Variants in DMD observed in about 807,000 individuals in gnomAD.
DMD encodes the protein mutant dystrophin.
DMD carries 63 observed loss-of-function variants against 330.1 expected under a neutral mutation model. The ratio of observed to expected loss-of-function variants is 0.19; its 90% CI spans 0.16 to 0.24. DMD has a LOEUF of 0.24. Ranked by LOEUF, DMD falls within the 10% of genes least tolerant of loss-of-function variation. The pLI, the probability that DMD is intolerant of heterozygous loss-of-function variation, is 1.00. For missense variants in DMD, 3,344 were observed against 2,684.1 expected (o/e 1.25, Z -5.43); for synonymous variants, 1,223 against 959.8 (o/e 1.27, Z -5.07).
At chrX:31,886,629 C>T (rs2094158054) in intron 47 of DMD, among the ~76,000 whole-genome samples, 1 of 111,719 alleles carries the variant, frequency 9.0e-6, no homozygotes, top group Admixed American at 9.5e-5. Context: ...AAAACACTAT[C>T]TTGCACTGCA....
intron 9 of DMD, among the ~76,000 whole-genome samples, chrX:32,685,828 A>C (rs748545230): frequency 8.9e-6 from 1 of 111,929 alleles, no homozygotes; most frequent in African/African-American, 3.2e-5. Flanking sequence ...CCAAAGATTT[A>C]ATTGATAGCA....
At chrX:32,552,475 A>C (rs1441145487) in intron 16 of DMD, among the ~76,000 whole-genome samples, 1 of 112,043 alleles carries the variant, frequency 8.9e-6, no homozygotes, top group Non-Finnish European at 1.9e-5. Flanking sequence ...AAACCTAAGA[A>C]GATAACCCAG....
At chrX:32,844,722 T>G in intron 4 of DMD, 61 bp downstream of exon 4, 1 of 1,004,737 alleles carries the variant, frequency 1.0e-6, no homozygotes, top group East Asian at 3.0e-5. Flanking sequence ...GCCAAAGCCC[T>G]CACTCAAACA....
At chrX:32,369,506 A>G (rs1005257544) in intron 34 of DMD, among the ~76,000 whole-genome samples, 2 of 111,530 alleles carry the variant, frequency 1.8e-5, no homozygotes, top group African/African-American at 6.5e-5. Flanking sequence ...TACCATCAGC[A>G]TTTTTCATTA....
At chrX:33,137,430 G>C (rs1321798854) in intron 1 of DMD, among the ~76,000 whole-genome samples, 1 of 112,041 alleles carries the variant, frequency 8.9e-6, no homozygotes, top group Non-Finnish European at 1.9e-5. Context: ...AAATTAGAAA[G>C]TGAAATGTGA....
intron 29 of DMD, among the ~76,000 whole-genome samples, chrX:32,417,150 C>T (rs1434175905): frequency 1.8e-5 from 2 of 111,495 alleles, no homozygotes; most frequent in Non-Finnish European, 3.8e-5. Flanking sequence ...CTGAAAATAA[C>T]AAGTAATAAG....
chrX:31,715,222 G>GCT (rs1569280694), intron 52 of DMD, among the ~76,000 whole-genome samples: 236 of 93,510 alleles, frequency 2.5e-3, no homozygotes, highest in African/African-American at 9.3e-3. Context: ...GGGGTTGGTG[G>GCT]GGGGGGAGCT....
At chrX:31,768,201 C>A (rs909442484) in intron 51 of DMD, among the ~76,000 whole-genome samples, 3 of 111,324 alleles carry the variant, frequency 2.7e-5, no homozygotes, top group African/African-American at 9.8e-5. Context: ...TCAGCACAGG[C>A]AATCAGACAC....
At chrX:33,113,346 C>T (rs2095355699) in intron 1 of DMD, among the ~76,000 whole-genome samples, 1 of 111,437 alleles carries the variant, frequency 9.0e-6, no homozygotes, top group African/African-American at 3.3e-5. Context: ...CATGAGCCAC[C>T]GTGCCCGGCC....
In DMD at chrX:31,697,935, A is replaced by G. The variant is rs755329237; in HGVS notation, c.7661-18349T>C. 4.5e-5 allele frequency among the ~76,000 whole-genome samples: 5 copies of G among 111,927 alleles called. No homozygotes were observed. In the South Asian group the frequency reaches 1.9e-3, roughly 42 times the overall value. On this transcript the variant is annotated intron_variant, in intron 52 of 78. Transcript: ENST00000357033. ...ATTTGCCACGATCTCAGTTTCCTCA[A>G]CTCCCAAACTGAAATAATGACAACT...
chrX:32,960,852 C>T (rs1218557154), intron 2 of DMD, among the ~76,000 whole-genome samples: 1 of 103,686 alleles, frequency 9.6e-6, no homozygotes, highest in Admixed American at 1.1e-4. Flanking sequence ...TAGATAAAAC[C>T]GTGCACGCCA....
intron 55 of DMD, among the ~76,000 whole-genome samples, chrX:31,590,672 G>T (rs2076826218): frequency 9.0e-6 from 1 of 111,134 alleles, no homozygotes; most frequent in African/African-American, 3.3e-5. Context: ...ACATTCTCAG[G>T]GGTGATAAAT....
rs761799224 is a variant in DMD, at chrX:32,514,673, A to G, written c.2292+3335T>C. On this transcript the variant is annotated intron_variant, in intron 18 of 78. Coordinates refer to ENST00000357033, the MANE Select transcript of DMD (RefSeq NM_004006.3). Reference sequence around the variant, plus strand: ...GGAGAACGGCGTGAACCCGGGAGGCAGAGCTTGCAGTGAGCCGAGATCGCG... The same window carrying G: ...GGAGAACGGCGTGAACCCGGGAGGCGGAGCTTGCAGTGAGCCGAGATCGCG... 7.2e-3 allele frequency among the ~76,000 whole-genome samples: 810 copies of G among 112,531 alleles called. 3 individuals carry two copies. Among genetic ancestry groups the G allele is most frequent in the African/African-American group, 0.023 (702 of 31,021 alleles).
At chrX:31,321,522 TG>T (rs749265699) in intron 62 of DMD, among the ~76,000 whole-genome samples, 116 of 94,329 alleles carry the variant, frequency 1.2e-3, no homozygotes, top group African/African-American at 4.4e-3. Context: ...AGGCAGGGGT[TG>T]CAGTGAGCCG....
chrX:32,959,762 G>A (rs12854009), intron 2 of DMD, among the ~76,000 whole-genome samples: 22,738 of 110,169 alleles, frequency 0.21, 1,816 homozygotes, highest in East Asian at 0.35. Flanking sequence ...AACTTCAAAA[G>A]ACTTACCACC....
intron 44 of DMD, among the ~76,000 whole-genome samples, chrX:32,138,129 T>A (rs2096735962): frequency 9.0e-6 from 1 of 110,604 alleles, no homozygotes; most frequent in Admixed American, 9.6e-5. Flanking sequence ...AGAGCAGAAA[T>A]TTTGATTCCA....
At chrX:32,742,525 C>G (rs1014650948) in intron 7 of DMD, among the ~76,000 whole-genome samples, 4 of 111,509 alleles carry the variant, frequency 3.6e-5, no homozygotes. Flanking sequence ...TAAGTTTAAG[C>G]TGCTGGGCAA....
chrX:32,228,345 T>G lies in DMD; in HGVS notation c.6291-11282A>C, dbSNP rs138104958. ...AAGGTTGTGATATTTGAAAATTCCA[T>G]CATGATGGAAAAATATTCAGGGTGT... On this transcript the variant is annotated intron_variant, in intron 43 of 78. Coordinates refer to ENST00000357033, the MANE Select transcript of DMD (RefSeq NM_004006.3). Among the ~76,000 whole-genome samples, 5 of 111,586 alleles carry G rather than the reference T, an allele frequency of 4.5e-5. No individual in the cohort carries two copies. The East Asian group carries it at 1.4e-3, about 31-fold the overall frequency.
At chrX:32,438,089 T>A (rs112754942) in intron 29 of DMD, 152 bp downstream of exon 29, 2 of 586,827 alleles carry the variant, frequency 3.4e-6, no homozygotes. Context: ...AATACACATG[T>A]AAAGAATTTA....
Sources: gnomAD v4.1 joint callset for allele counts (sites outside exome capture counted in the v4.1 genomes callset) on GRCh38, gnomAD v4.1.1 for gene constraint, MANE v1.5 for transcripts, NCBI Gene and HGNC (gene_info 2026-07-23, HGNC 2026-07-21) for gene names.